CIMIP2B: variants seen among roughly 807,000 people sequenced by gnomAD.
The protein encoded by CIMIP2B is ciliary microtubule inner protein 2B.
chr9:35,562,398 A>G, the CIMIP2B span: 66 of 1,500,788 alleles, frequency 4.4e-5, no homozygotes, highest in Admixed American at 7.2e-5. Context: ...TAGCCCCCAT[A>G]GTTAGGTAAA....
chr9:35,561,992 T>TTGA, the CIMIP2B span: 1 of 1,263,496 alleles, frequency 7.9e-7, no homozygotes, highest in African/African-American at 1.8e-5. Context: ...GGAAGGGAAC[T>TTGA]TGATGTCCAG....
At chr9:35,563,682 G>A in the CIMIP2B span, 1 of 1,304,180 alleles carries the variant, frequency 7.7e-7, no homozygotes, top group Non-Finnish European at 1.1e-6. Flanking sequence ...CTGTCCGCTT[G>A]GCCCCATGCT....
the CIMIP2B span, chr9:35,562,840 C>T: frequency 7.4e-6 from 12 of 1,613,552 alleles, no homozygotes; most frequent in East Asian, 2.2e-5. Flanking sequence ...CCCACTCCCA[C>T]ACCTCTGCAC....
chr9:35,563,251 T>G, the CIMIP2B span: 1 of 1,613,928 alleles, frequency 6.2e-7, no homozygotes, highest in Non-Finnish European at 8.5e-7. Flanking sequence ...CAGGAGATCT[T>G]GGAGGCCGAA....
the CIMIP2B span, chr9:35,562,559 A>T: frequency 6.3e-7 from 1 of 1,594,956 alleles, no homozygotes; most frequent in African/African-American, 1.3e-5. Flanking sequence ...GGCGCAGGGC[A>T]CATAGCCAGT....
the CIMIP2B span, chr9:35,563,722 C>A: frequency 6.4e-7 from 1 of 1,571,548 alleles, no homozygotes; most frequent in South Asian, 1.1e-5. Flanking sequence ...CACCCTATAC[C>A]CCTACTCCCA....
At chr9:35,562,625 T>G in the CIMIP2B span, 1 of 1,612,570 alleles carries the variant, frequency 6.2e-7, no homozygotes, top group South Asian at 1.1e-5. Context: ...CCCACGCCTC[T>G]GATCCTGACC....
At chr9:35,563,318 A>G in the CIMIP2B span, 1 of 1,613,978 alleles carries the variant, frequency 6.2e-7, no homozygotes, top group Non-Finnish European at 8.5e-7. Context: ...AGGGCCTCGA[A>G]GTAGCTGACC....
the CIMIP2B span, chr9:35,562,583 G>C: frequency 6.2e-7 from 1 of 1,604,868 alleles, no homozygotes; most frequent in Non-Finnish European, 8.5e-7. Flanking sequence ...GCCTGAGGAT[G>C]GGGACACTGA....
chr9:35,563,139 G>A, the CIMIP2B span: 12 of 1,612,332 alleles, frequency 7.4e-6, no homozygotes, highest in Admixed American at 2.0e-4. Flanking sequence ...TCCTGGGAGG[G>A]GCACCTGTGC....
the CIMIP2B span, chr9:35,562,298 C>T: frequency 3.2e-6 from 4 of 1,245,378 alleles, no homozygotes; most frequent in Non-Finnish European, 4.4e-6. Flanking sequence ...TTAGTTTCAA[C>T]CCCCACAAAC....
the CIMIP2B span, chr9:35,562,656 G>A: frequency 3.1e-6 from 5 of 1,613,482 alleles, no homozygotes; most frequent in Non-Finnish European, 4.2e-6. Flanking sequence ...CACCTGACAT[G>A]AAGAACTTCC....
chr9:35,562,577 G>A, the CIMIP2B span: 3 of 1,603,074 alleles, frequency 1.9e-6, no homozygotes, highest in Non-Finnish European at 1.7e-6. Context: ...AGTGAAGCCT[G>A]AGGATGGGGA....
chr9:35,563,743 G>A, the CIMIP2B span: 1 of 1,606,822 alleles, frequency 6.2e-7, no homozygotes, highest in Non-Finnish European at 8.5e-7. Context: ...GCAGCAAGCG[G>A]GGAGCGCTAA....
chr9:35,562,918 G>A, the CIMIP2B span: 91 of 1,613,856 alleles, frequency 5.6e-5, no homozygotes, highest in Admixed American at 6.7e-5. Flanking sequence ...CTGCCCCTCC[G>A]GCTCTGGCAC....
chr9:35,563,208 C>T, the CIMIP2B span: 1 of 1,614,000 alleles, frequency 6.2e-7, no homozygotes. Flanking sequence ...CTTTCTTGCC[C>T]ACGCCTGACA....
the CIMIP2B span, chr9:35,562,406 A>AAAAG: frequency 5.3e-6 from 8 of 1,514,358 alleles, no homozygotes; most frequent in Non-Finnish European, 6.2e-6. Context: ...ATAGTTAGGT[A>AAAAG]AAAGACCCAG....
the CIMIP2B span, chr9:35,562,350 C>CTGT: frequency 7.0e-7 from 1 of 1,431,870 alleles, no homozygotes; most frequent in South Asian, 1.5e-5. Context: ...ACATTCCAGT[C>CTGT]CCCAAAGCCT....
the CIMIP2B span, chr9:35,561,914 C>T: frequency 2.6e-5 from 9 of 352,372 alleles, no homozygotes; most frequent in East Asian, 7.1e-5. Context: ...TCTTTGTGTT[C>T]CCCCACCCTC....
Sources: allele counts gnomAD v4.1 joint callset, GRCh38; gene constraint gnomAD v4.1.1; transcripts MANE v1.5; gene names NCBI Gene and HGNC (gene_info 2026-07-23, HGNC 2026-07-21).